Variants in R3HDM2 observed in about 807,000 individuals in gnomAD.
R3HDM2 encodes the protein R3H domain-containing protein 2.
R3HDM2 carries 38 observed loss-of-function variants against 124.5 expected under a neutral mutation model. That is an observed-to-expected ratio of 0.31 (90% CI 0.24 to 0.40). The LOEUF is 0.40. Ranked by LOEUF, R3HDM2 falls within the 10% of genes least tolerant of loss-of-function variation. The pLI, the probability that R3HDM2 is intolerant of heterozygous loss-of-function variation, is 1.00. For synonymous variants in R3HDM2, 391 were observed against 448.0 expected (o/e 0.87, Z 1.61); for missense variants, 869 against 1,236.9 (o/e 0.70, Z 4.46).
At chr12:57,335,853 A>C (rs940420070) in intron 2 of R3HDM2, among the ~76,000 whole-genome samples, 2 of 151,944 alleles carry the variant, frequency 1.3e-5, no homozygotes, top group East Asian at 3.9e-4. Flanking sequence ...GGATGGCTTG[A>C]GCCTATGAGT....
chr12:57,351,394 A>G (rs1383872448), intron 2 of R3HDM2, among the ~76,000 whole-genome samples: 1 of 152,236 alleles, frequency 6.6e-6, no homozygotes, highest in Non-Finnish European at 1.5e-5. Flanking sequence ...TTAAGACTAA[A>G]AAAACAATAG....
intron 2 of R3HDM2, among the ~76,000 whole-genome samples, chr12:57,335,551 G>A (rs1477852840): frequency 6.9e-6 from 1 of 145,638 alleles, no homozygotes; most frequent in African/African-American, 2.6e-5. Context: ...ATGCTGGAGT[G>A]CAGTGGCCTA....
intron 2 of R3HDM2, among the ~76,000 whole-genome samples, chr12:57,356,278 A>AT (rs922304980): frequency 1.3e-4 from 19 of 149,078 alleles, no homozygotes; most frequent in East Asian, 3.9e-4. Context: ...TGAAGCCTGA[A>AT]TTTTTTTTTT....
At chr12:57,427,786 A>G (rs1868307913) in intron 1 of R3HDM2, among the ~76,000 whole-genome samples, 1 of 151,800 alleles carries the variant, frequency 6.6e-6, no homozygotes, top group Admixed American at 6.6e-5. Flanking sequence ...CCATCCAGAT[A>G]GCCAAGGGAA....
intron 3 of R3HDM2, chr12:57,304,472 C>A (rs1593000909): frequency 2.1e-6 from 2 of 972,868 alleles, no homozygotes; most frequent in Non-Finnish European, 2.4e-6. Flanking sequence ...AGACAGAGTA[C>A]CAGCATGGCC....
At chr12:57,287,037 C>A (rs2047512328) in intron 12 of R3HDM2, among the ~76,000 whole-genome samples, 1 of 152,110 alleles carries the variant, frequency 6.6e-6, no homozygotes, top group African/African-American at 2.4e-5. Context: ...CCAAATGTAA[C>A]ACTACTAAGA....
rs1440932932 is a variant in R3HDM2, at chr12:57,253,956, G to C, written c.*817C>G. 1.5e-5 allele frequency: 5 copies of C among 343,520 alleles called. No individual in the cohort carries two copies. Among genetic ancestry groups the C allele is most frequent in the Non-Finnish European group, 2.8e-5 (5 of 181,706 alleles). The allele number at this position is 343,520 out of a possible 1,614,324, so 21.3% of individuals were successfully genotyped here. A position where few individuals can be genotyped will look rare whatever the true frequency, so the allele number is the denominator to read the frequency against. Reference sequence around the variant, plus strand: ...AACAAACAATATACAAGTGTTCTGGGGGGGCCAGGGGAATCCCAAGTTTTA... The same window carrying C: ...AACAAACAATATACAAGTGTTCTGGCGGGGCCAGGGGAATCCCAAGTTTTA... On this transcript the variant is annotated 3_prime_UTR_variant, in exon 24 of 24. Coordinates refer to ENST00000402412, the MANE Select transcript of R3HDM2 (RefSeq NM_001394031.1).
chr12:57,267,977 A>G (rs187400465), intron 18 of R3HDM2, among the ~76,000 whole-genome samples: 96 of 152,364 alleles, frequency 6.3e-4, no homozygotes, highest in African/African-American at 2.2e-3. Flanking sequence ...AAATTTACAC[A>G]TCACAGTCCA....
intron 1 of R3HDM2, among the ~76,000 whole-genome samples, chr12:57,419,016 C>T (rs552218450): frequency 4.6e-5 from 7 of 152,290 alleles, no homozygotes; most frequent in South Asian, 2.1e-4. Flanking sequence ...CTTCAGTTCA[C>T]CTTTGTCTCA....
chr12:57,297,498 G>C, intron 7 of R3HDM2, 111 bp from the exon 8 acceptor site: 1 of 629,950 alleles, frequency 1.6e-6, no homozygotes, highest in Non-Finnish European at 2.7e-6. Flanking sequence ...GCTGAAAAAG[G>C]TATATATCCA....
At chr12:57,401,909 G>C (rs112083783) in intron 1 of R3HDM2, among the ~76,000 whole-genome samples, 1 of 151,916 alleles carries the variant, frequency 6.6e-6, no homozygotes, top group Non-Finnish European at 1.5e-5. Flanking sequence ...ACTTAGACCC[G>C]GGAGGTGGAG....
rs530422560 is a variant in R3HDM2 at position 57,401,626 on chromosome 12, A to C, written c.-105-5808T>G. ...ACGAATGATAAAAATCGAGCTCTCA[A>C]GTGAAAATCAGAATTTTGAAAATCA... On this transcript the variant is annotated intron_variant, in intron 1 of 23. Transcript: ENST00000402412. Among the ~76,000 whole-genome samples the C allele has an allele frequency of 3.3e-5, 5 of 152,356 alleles. No homozygotes were observed. The South Asian group carries it at 1.0e-3, about 32-fold the overall frequency.
intron 3 of R3HDM2, 93 bp from the exon 4 acceptor site, chr12:57,303,310 G>A (rs2051688290): frequency 1.7e-6 from 2 of 1,184,216 alleles, no homozygotes; most frequent in African/African-American, 1.5e-5. Flanking sequence ...AGCACTAACT[G>A]TAAAAACCAT....
At chr12:57,401,678 T>C (rs369324983) in intron 1 of R3HDM2, among the ~76,000 whole-genome samples, 26 of 152,246 alleles carry the variant, frequency 1.7e-4, no homozygotes, top group African/African-American at 5.5e-4. Context: ...AGCTTGACAG[T>C]TTCTCAATAC....
intron 10 of R3HDM2, among the ~76,000 whole-genome samples, chr12:57,293,061 GAAGA>G (rs1410714707): frequency 6.6e-6 from 1 of 152,216 alleles, no homozygotes; most frequent in Non-Finnish European, 1.5e-5. Context: ...TGGAACGGGA[GAAGA>G]AACAGGTGTT....
At chr12:57,371,682 A>G (rs973625393) in intron 2 of R3HDM2, among the ~76,000 whole-genome samples, 1 of 152,222 alleles carries the variant, frequency 6.6e-6, no homozygotes, top group Admixed American at 6.5e-5. Context: ...AGTAACATCA[A>G]TGCAACAACT....
At chr12:57,375,821 C>T (rs181865444) in intron 2 of R3HDM2, among the ~76,000 whole-genome samples, 10 of 152,178 alleles carry the variant, frequency 6.6e-5, no homozygotes, top group Non-Finnish European at 7.4e-5. Flanking sequence ...TACAGGCCCA[C>T]ACCACCATGT....
chr12:57,379,733 G>A (rs1304786350), intron 2 of R3HDM2, among the ~76,000 whole-genome samples: 1 of 152,068 alleles, frequency 6.6e-6, no homozygotes, highest in East Asian at 1.9e-4. Context: ...AAGCAAATAT[G>A]AAGTGGTTAT....
At chr12:57,355,281 C>A (rs1475789771) in intron 2 of R3HDM2, among the ~76,000 whole-genome samples, 2 of 150,948 alleles carry the variant, frequency 1.3e-5, no homozygotes, top group African/African-American at 4.9e-5. Flanking sequence ...CACGGTGAAA[C>A]CCCGTCTCTA....
Sources: gnomAD v4.1 joint callset for allele counts (sites outside exome capture counted in the v4.1 genomes callset) on GRCh38, gnomAD v4.1.1 for gene constraint, MANE v1.5 for transcripts, NCBI Gene and HGNC (gene_info 2026-07-23, HGNC 2026-07-21) for gene names.